THSD7B: variants seen among roughly 807,000 people sequenced by gnomAD.
The protein encoded by THSD7B is thrombospondin type 1 domain containing 7B.
A neutral mutation model predicts 213.6 loss-of-function variants in THSD7B; 138 were observed. The observed-to-expected ratio is 0.65, with a 90% confidence interval of 0.56 to 0.74. The LOEUF is 0.74. Ranked by LOEUF, THSD7B falls within the 30% of genes least tolerant of loss-of-function variation. THSD7B has a pLI of 0.00. For missense variants in THSD7B, 1,931 were observed against 1,991.5 expected (o/e 0.97, Z 0.58); for synonymous variants, 742 against 687.0 (o/e 1.08, Z -1.25).
intron 3 of THSD7B, among the ~76,000 whole-genome samples, chr2:137,093,275 C>T (rs963668019): frequency 6.6e-6 from 1 of 152,068 alleles, no homozygotes; most frequent in Non-Finnish European, 1.5e-5. Context: ...CGTTCCTCCT[C>T]GCACTTTATG....
At chr2:137,286,064 A>G (rs1683169771) in intron 12 of THSD7B, among the ~76,000 whole-genome samples, 2 of 150,972 alleles carry the variant, frequency 1.3e-5, no homozygotes. Flanking sequence ...AGATCTCGCC[A>G]TTTCACACCA....
chr2:137,603,458 C>T (rs1043491202), intron 17 of THSD7B, among the ~76,000 whole-genome samples: 3 of 152,096 alleles, frequency 2.0e-5, no homozygotes, highest in Non-Finnish European at 2.9e-5. Flanking sequence ...TTGGAACACC[C>T]AGATCATTGA....
intron 12 of THSD7B, among the ~76,000 whole-genome samples, chr2:137,375,835 TG>T (rs1475196959): frequency 6.6e-6 from 1 of 152,164 alleles, no homozygotes; most frequent in Non-Finnish European, 1.5e-5. Flanking sequence ...TGAAAATAAA[TG>T]CCTTCTTGAC....
chr2:137,095,101 A>G lies in THSD7B; in HGVS notation c.1179A>G (p.Glu393=), dbSNP rs1324380903. 6.8e-6 allele frequency: 11 copies of G among 1,613,820 alleles called. No homozygotes were observed. The highest frequency in any genetic ancestry group is 8.5e-6 in the Non-Finnish European group (10 of 1,179,816). The stretch of plus-strand genomic sequence containing the variant: ...AAGAGGCCTGCATTGTTGAAGGAGA[A>G]CTTCTGCAGCAATGTCCCAGGTATT... The part of the protein sequence containing the change: ...LEKEACIVEG[E]LLQQCPRYSW... The change falls in exon 4 of 28, where the codon GAA becomes GAG. Residue 393 remains glutamate (E), a synonymous_variant. Transcript: ENST00000409968.
At chr2:137,476,349 T>C (rs1025896466) in intron 15 of THSD7B, among the ~76,000 whole-genome samples, 2 of 152,126 alleles carry the variant, frequency 1.3e-5, no homozygotes, top group Admixed American at 6.6e-5. Flanking sequence ...ATTTTTTTTC[T>C]TTTTGCTTGT....
At chr2:137,659,780 T>C in intron 25 of THSD7B, 34 bp downstream of exon 25, 1 of 1,559,914 alleles carries the variant, frequency 6.4e-7, no homozygotes, top group Non-Finnish European at 8.7e-7. Context: ...TATAAGTGCA[T>C]TAATTGCTGT....
At chr2:137,518,561 GTGAAGATATTTGTATCCTATA>G (rs1222033561) in intron 15 of THSD7B, among the ~76,000 whole-genome samples, 1 of 152,312 alleles carries the variant, frequency 6.6e-6, no homozygotes, top group East Asian at 1.9e-4. Flanking sequence ...GTCAAAAACT[GTGAAGATATTTGTATCCTATA>G]TGAGTGCTCA....
chr2:136,969,638 A>G (rs954443088), intron 2 of THSD7B, among the ~76,000 whole-genome samples: 2 of 152,200 alleles, frequency 1.3e-5, no homozygotes, highest in Non-Finnish European at 2.9e-5. Flanking sequence ...ACTATTTAAA[A>G]GGCATGAATG....
chr2:137,035,492 G>T (rs544922986), intron 2 of THSD7B, among the ~76,000 whole-genome samples: 1 of 152,110 alleles, frequency 6.6e-6, no homozygotes, highest in Admixed American at 6.6e-5. Context: ...CCTCATGAAT[G>T]AAAACATCTT....
At chr2:136,877,050 C>A (rs958253237) in intron 1 of THSD7B, among the ~76,000 whole-genome samples, 2 of 152,156 alleles carry the variant, frequency 1.3e-5, no homozygotes, top group African/African-American at 4.8e-5. Flanking sequence ...TGTGAATCTT[C>A]ACATGTGCAG....
intron 15 of THSD7B, among the ~76,000 whole-genome samples, chr2:137,473,455 G>A (rs535622061): frequency 6.6e-5 from 10 of 152,086 alleles, no homozygotes; most frequent in South Asian, 4.1e-4. Flanking sequence ...TGATCCGCCC[G>A]CCTCGGCCTC....
chr2:136,962,799 A>G (rs189292436), intron 2 of THSD7B, among the ~76,000 whole-genome samples: 19 of 152,350 alleles, frequency 1.2e-4, no homozygotes, highest in African/African-American at 4.3e-4. Context: ...CTTCATAAAG[A>G]TAAGTGATCT....
At chr2:137,471,480 C>T (rs1229017459) in intron 15 of THSD7B, among the ~76,000 whole-genome samples, 2 of 151,816 alleles carry the variant, frequency 1.3e-5, no homozygotes, top group Admixed American at 6.6e-5. Flanking sequence ...AGGAAGAGCC[C>T]GTCTTCACAC....
At chr2:137,010,582 A>G (rs978854534) in intron 2 of THSD7B, among the ~76,000 whole-genome samples, 3 of 152,188 alleles carry the variant, frequency 2.0e-5, no homozygotes, top group African/African-American at 7.2e-5. Context: ...GGGCAGGCTC[A>G]TATTGTTTGT....
At chr2:137,336,000 A>G (rs894315933) in intron 12 of THSD7B, among the ~76,000 whole-genome samples, 3 of 152,114 alleles carry the variant, frequency 2.0e-5, no homozygotes, top group Non-Finnish European at 4.4e-5. Context: ...CCATCAATGA[A>G]TATTATTTAA....
At chr2:137,414,055 T>A (rs1198136796) in intron 14 of THSD7B, among the ~76,000 whole-genome samples, 1 of 151,508 alleles carries the variant, frequency 6.6e-6, no homozygotes, top group Non-Finnish European at 1.5e-5. Context: ...TGTGGAGGGT[T>A]TTTTAATTTA....
intron 12 of THSD7B, among the ~76,000 whole-genome samples, chr2:137,373,759 A>G (rs1305460638): frequency 2.6e-5 from 4 of 152,212 alleles, no homozygotes; most frequent in African/African-American, 9.6e-5. Context: ...TGTTTTAGAC[A>G]TGAAGTCCTT....
chr2:137,075,801 A>G (rs1368206415), intron 3 of THSD7B, among the ~76,000 whole-genome samples: 3 of 152,132 alleles, frequency 2.0e-5, no homozygotes, highest in East Asian at 1.9e-4. Context: ...TTTTCCTTCA[A>G]ACAGACAGGA....
chr2:137,155,892 C>T (rs1679901114), intron 5 of THSD7B: 2 of 152,114 alleles, frequency 1.3e-5, no homozygotes, highest in Non-Finnish European at 2.9e-5. Context: ...TAGAAATGAC[C>T]ACATCTGCGC....
Sources: allele counts gnomAD v4.1 joint callset (sites outside exome capture counted in the v4.1 genomes callset), GRCh38; gene constraint gnomAD v4.1.1; transcripts MANE v1.5; gene names NCBI Gene and HGNC (gene_info 2026-07-23, HGNC 2026-07-21).